Variants in CSMD1 observed in about 807,000 individuals in gnomAD.
The protein encoded by CSMD1 is CUB and sushi domain-containing protein 1.
In CSMD1, 213 loss-of-function variants were observed where a neutral mutation model predicts 417.5. The ratio of observed to expected loss-of-function variants is 0.51; its 90% confidence interval spans 0.46 to 0.57. The LOEUF is 0.57. Among genes scored for constraint, CSMD1 ranks in the 20% least tolerant of loss-of-function variants. The pLI, the probability that CSMD1 is intolerant of heterozygous loss-of-function variation, is 0.00. For missense variants in CSMD1, 6,923 were observed against 4,529.7 expected (o/e 1.53, Z -15.17); for synonymous variants, 2,862 against 1,736.8 (o/e 1.65, Z -16.11).
At chr8:3,528,825 C>T (rs375303225) in intron 10 of CSMD1, among the ~76,000 whole-genome samples, 1 of 152,152 alleles carries the variant, frequency 6.6e-6, no homozygotes, top group South Asian at 2.1e-4. Flanking sequence ...GGAAATAGTT[C>T]TCCATTTAAA....
chr8:4,825,724 TC>T (rs869035877), intron 1 of CSMD1, among the ~76,000 whole-genome samples: 2 of 133,630 alleles, frequency 1.5e-5, no homozygotes, highest in Admixed American at 8.5e-5. Context: ...AAACCATTTA[TC>T]TGGTAAGGGG....
intron 3 of CSMD1, among the ~76,000 whole-genome samples, chr8:4,113,729 T>A (rs891438907): frequency 6.6e-6 from 1 of 152,138 alleles, no homozygotes; most frequent in African/African-American, 2.4e-5. Context: ...AGTGCATGAA[T>A]GAGAAGAAAA....
intron 36 of CSMD1, among the ~76,000 whole-genome samples, chr8:3,186,200 G>T (rs959599590): frequency 2.0e-4 from 30 of 152,084 alleles, no homozygotes; most frequent in African/African-American, 7.0e-4. Context: ...AATGAGAGAG[G>T]CCTTATCTTG....
chr8:4,518,126 T>C (rs531830092), intron 2 of CSMD1, among the ~76,000 whole-genome samples: 22 of 152,322 alleles, frequency 1.4e-4, no homozygotes, highest in Non-Finnish European at 2.9e-5. Context: ...TACAGTATTA[T>C]GTTTTTACTG....
chr8:3,744,211 G>A (rs1011747640), intron 6 of CSMD1, among the ~76,000 whole-genome samples: 3 of 152,188 alleles, frequency 2.0e-5, no homozygotes, highest in Non-Finnish European at 2.9e-5. Flanking sequence ...CAGGGATGAC[G>A]TGTTCAAGCC....
At chr8:4,217,352 C>G (rs1237766712) in intron 3 of CSMD1, among the ~76,000 whole-genome samples, 2 of 152,182 alleles carry the variant, frequency 1.3e-5, no homozygotes, top group Non-Finnish European at 2.9e-5. Context: ...TAACAATCAA[C>G]TATATTTTCT....
intron 1 of CSMD1, among the ~76,000 whole-genome samples, chr8:4,692,695 A>AGT (rs1584952291): frequency 6.6e-6 from 1 of 152,180 alleles, no homozygotes; most frequent in East Asian, 1.9e-4. Context: ...ATAACTGAAA[A>AGT]GTCCTGCAGC....
At chr8:4,879,635 C>A (rs998166446) in intron 1 of CSMD1, among the ~76,000 whole-genome samples, 2 of 151,716 alleles carry the variant, frequency 1.3e-5, no homozygotes, top group Non-Finnish European at 2.9e-5. Context: ...AGTTAAAGAG[C>A]CAGAATAGGA....
intron 5 of CSMD1, among the ~76,000 whole-genome samples, chr8:3,963,546 A>T (rs1432703766): frequency 2.0e-5 from 3 of 152,210 alleles, no homozygotes; most frequent in Non-Finnish European, 2.9e-5. Flanking sequence ...TAAACATAAA[A>T]TTCGTATTTC....
At chr8:3,523,694 T>G (rs1585301093) in intron 10 of CSMD1, among the ~76,000 whole-genome samples, 2 of 145,852 alleles carry the variant, frequency 1.4e-5, no homozygotes, top group Non-Finnish European at 3.0e-5. Flanking sequence ...GAGAGACATA[T>G]GCACACATGT....
chr8:4,001,214 C>G (rs763515995), intron 4 of CSMD1, among the ~76,000 whole-genome samples: 1 of 152,068 alleles, frequency 6.6e-6, no homozygotes, highest in Non-Finnish European at 1.5e-5. Context: ...GAAGCTTAAC[C>G]GATTCTTCTG....
chr8:3,372,666 C>T (rs140707135), intron 18 of CSMD1, among the ~76,000 whole-genome samples: 7 of 152,180 alleles, frequency 4.6e-5, no homozygotes, highest in African/African-American at 1.7e-4. Flanking sequence ...AAGGAGATCT[C>T]AGGAGAACCA....
In CSMD1 at chr8:4,104,435, C is replaced by T. The variant is rs566621501; in HGVS notation, c.416-72336G>A. On this transcript the variant is annotated intron_variant, in intron 3 of 69. Coordinates refer to ENST00000635120, the MANE Select transcript of CSMD1 (RefSeq NM_033225.6). Reference sequence around the variant, plus strand: ...ACACGCACACACACATGCGCACACGCATGCACACACACACACAGGATATGT... The same window carrying T: ...ACACGCACACACACATGCGCACACGTATGCACACACACACACAGGATATGT... Among the ~76,000 whole-genome samples the T allele has an allele frequency of 2.9e-5, 4 of 140,248 alleles. No individual in the cohort carries two copies. The East Asian group carries it at 8.6e-4, about 30-fold the overall frequency. 92.0% of individuals were successfully genotyped at this position (140,248 alleles called of 152,430 possible). A position where few individuals can be genotyped will look rare whatever the true frequency, so the allele number is the denominator to read the frequency against.
At chr8:4,511,694 C>T (rs1478474014) in intron 2 of CSMD1, among the ~76,000 whole-genome samples, 2 of 152,140 alleles carry the variant, frequency 1.3e-5, no homozygotes, top group African/African-American at 2.4e-5. Flanking sequence ...GAAGGCAGAG[C>T]CGTAACTGAT....
In CSMD1 at chr8:4,896,216, C is replaced by A. The variant is rs188536455; in HGVS notation, c.85+98116G>T. On this transcript the variant is annotated intron_variant, in intron 1 of 69. Coordinates refer to ENST00000635120, the MANE Select transcript of CSMD1 (RefSeq NM_033225.6). ...GGCTTTTGTGAAGTGTCTTGTCAGT[C>A]TGGTTCTTTCAACTTTGCAGGTCAC... 1.5e-3 allele frequency among the ~76,000 whole-genome samples: 235 copies of A among 152,128 alleles called. 3 individuals carry two copies. The highest frequency in any genetic ancestry group is 5.6e-3 in the African/African-American group (231 of 41,444).
intron 3 of CSMD1, among the ~76,000 whole-genome samples, chr8:4,315,131 C>G (rs1270498788): frequency 6.6e-6 from 1 of 152,192 alleles, no homozygotes; most frequent in Non-Finnish European, 1.5e-5. Context: ...AAGAGCACCA[C>G]TCATTCTCTG....
At chr8:4,057,949 G>A (rs971044748) in intron 3 of CSMD1, among the ~76,000 whole-genome samples, 4 of 150,842 alleles carry the variant, frequency 2.7e-5, no homozygotes, top group African/African-American at 7.3e-5. Flanking sequence ...TTGTAGCATA[G>A]TTTGAAGTCA....
chr8:4,482,939 C>T (rs556590843), intron 2 of CSMD1, among the ~76,000 whole-genome samples: 2 of 151,892 alleles, frequency 1.3e-5, no homozygotes, highest in East Asian at 1.9e-4. Context: ...GTATGGGAGG[C>T]GTAGGTATAA....
chr8:4,764,748 C>G (rs1187729413), intron 1 of CSMD1, among the ~76,000 whole-genome samples: 2 of 150,706 alleles, frequency 1.3e-5, no homozygotes, highest in Admixed American at 1.3e-4. Flanking sequence ...TGGCGGCTGC[C>G]TGTAGTCCCA....
Sources: allele counts gnomAD v4.1 joint callset (sites outside exome capture counted in the v4.1 genomes callset), GRCh38; gene constraint gnomAD v4.1.1; transcripts MANE v1.5; gene names NCBI Gene and HGNC (gene_info 2026-07-23, HGNC 2026-07-21).